TSPAN7: variants seen among roughly 807,000 people sequenced by gnomAD.
The protein encoded by TSPAN7 is tetraspanin-7.
Under a neutral mutation model 17.6 loss-of-function variants are expected in TSPAN7, and 1 was observed. That is an observed-to-expected ratio of 0.06 (90% CI 0.02 to 0.27). The LOEUF is 0.27. TSPAN7 is among the 10% of genes least tolerant of loss of function. TSPAN7 has a pLI of 1.00. For missense variants in TSPAN7, 112 were observed against 201.7 expected (o/e 0.56, Z 2.69); for synonymous variants, 78 against 79.0 (o/e 0.99, Z 0.07).
chrX:38,604,518 A>G (rs1408449602), intron 1 of TSPAN7, among the ~76,000 whole-genome samples: 2 of 111,013 alleles, frequency 1.8e-5, no homozygotes, highest in Non-Finnish European at 3.8e-5. Flanking sequence ...ATTTCTCCAC[A>G]TCCTCTCTAG....
At chrX:38,605,116 A>C (rs1453898129) in intron 1 of TSPAN7, among the ~76,000 whole-genome samples, 10 of 109,323 alleles carry the variant, frequency 9.1e-5, no homozygotes, top group Non-Finnish European at 1.3e-4. Flanking sequence ...GAGGAAGTCA[A>C]ATTGTCCCTG....
chrX:38,683,610 C>A (rs1277490381), intron 6 of TSPAN7, among the ~76,000 whole-genome samples: 1 of 112,897 alleles, frequency 8.9e-6, no homozygotes, highest in African/African-American at 3.2e-5. Flanking sequence ...GACCTGCTCC[C>A]AGGTTCAGGC....
intron 2 of TSPAN7, among the ~76,000 whole-genome samples, chrX:38,668,482 G>T (rs955523512): frequency 5.4e-5 from 6 of 111,964 alleles, no homozygotes; most frequent in African/African-American, 1.9e-4. Flanking sequence ...TTGGTTTGGG[G>T]CTTAATTTGG....
chrX:38,602,701 C>T (rs933202316), intron 1 of TSPAN7, among the ~76,000 whole-genome samples: 2 of 111,226 alleles, frequency 1.8e-5, no homozygotes, highest in African/African-American at 3.3e-5. Context: ...GAGAGGTGGG[C>T]GGGAGGAGTT....
At chrX:38,617,605 G>A (rs12689529) in intron 1 of TSPAN7, among the ~76,000 whole-genome samples, 26,234 of 111,688 alleles carry the variant, frequency 0.23, 2,873 homozygotes, top group East Asian at 0.65. Flanking sequence ...TGGAGAGACT[G>A]GTTCGGTAGG....
At chrX:38,573,085 A>G (rs1274395976) in intron 1 of TSPAN7, among the ~76,000 whole-genome samples, 2 of 111,727 alleles carry the variant, frequency 1.8e-5, no homozygotes, top group Non-Finnish European at 3.8e-5. Context: ...TGCATTATAA[A>G]CTAAAGTGTG....
At chrX:38,562,954 A>G in intron 1 of TSPAN7, 1 of 963,129 alleles carries the variant, frequency 1.0e-6, no homozygotes, top group Admixed American at 3.1e-5. Context: ...ACCATATATT[A>G]GCCCTATTTT....
chrX:38,625,893 G>A (rs1056675707), intron 1 of TSPAN7, among the ~76,000 whole-genome samples: 2 of 112,021 alleles, frequency 1.8e-5, no homozygotes, highest in African/African-American at 6.5e-5. Flanking sequence ...GACCAAGTAG[G>A]TAGTCTGAGG....
chrX:38,672,273 T>C (rs2069826269), intron 3 of TSPAN7, among the ~76,000 whole-genome samples: 1 of 109,181 alleles, frequency 9.2e-6, no homozygotes, highest in Non-Finnish European at 1.9e-5. Context: ...TTACTGTGGG[T>C]CTCGAAAGGC....
chrX:38,641,286 T>C (rs2069610330), intron 1 of TSPAN7, among the ~76,000 whole-genome samples: 1 of 112,538 alleles, frequency 8.9e-6, no homozygotes, highest in Non-Finnish European at 1.9e-5. Flanking sequence ...AGGTGTGTGT[T>C]TGTAGTTGAA....
chrX:38,572,856 A>G (rs2069176251), intron 1 of TSPAN7, among the ~76,000 whole-genome samples: 1 of 111,784 alleles, frequency 8.9e-6, no homozygotes, highest in African/African-American at 3.3e-5. Context: ...TTTCTGTTTC[A>G]TATTTTGAAC....
intron 3 of TSPAN7, among the ~76,000 whole-genome samples, chrX:38,672,973 CTG>C (rs1187805916): frequency 8.9e-6 from 1 of 112,333 alleles, no homozygotes; most frequent in Non-Finnish European, 1.9e-5. Flanking sequence ...AGTGCCTATT[CTG>C]TGTACAGTCC....
chrX:38,565,069 G>C (rs2069134806), intron 1 of TSPAN7, among the ~76,000 whole-genome samples: 1 of 111,668 alleles, frequency 9.0e-6, no homozygotes, highest in Non-Finnish European at 1.9e-5. Flanking sequence ...CCTGTTAAAT[G>C]TTTATAAGAA....
intron 1 of TSPAN7, among the ~76,000 whole-genome samples, chrX:38,628,330 A>G (rs952508009): frequency 2.7e-5 from 3 of 112,043 alleles, no homozygotes; most frequent in African/African-American, 9.7e-5. Flanking sequence ...AGACTTTGGC[A>G]AATATGTTTT....
chrX:38,623,263 G>T lies in TSPAN7; in HGVS notation c.82-42858G>T, dbSNP rs754353141. ...TTTGGCTTTCTTTTTGAATGATGAG[G>T]CAAGCACTGAAGTTAATGCCATGTG... On this transcript the variant is annotated intron_variant, in intron 1 of 7. Coordinates refer to ENST00000378482, the MANE Select transcript of TSPAN7 (RefSeq NM_004615.4). Among the ~76,000 whole-genome samples the T allele has an allele frequency of 9.7e-4, 108 of 111,461 alleles. 1 individual carries two copies. The highest frequency in any genetic ancestry group is 1.5e-3 in the Non-Finnish European group (79 of 53,079).
intron 1 of TSPAN7, among the ~76,000 whole-genome samples, chrX:38,664,642 G>A (rs1416984308): frequency 8.9e-6 from 1 of 112,170 alleles, no homozygotes; most frequent in African/African-American, 3.2e-5. Context: ...CACTTTCACC[G>A]CAACACTGCA....
rs1006615732 is a variant in TSPAN7 at position 38,650,447 on chromosome X, T to C, written c.82-15674T>C. ...CTTGGTCACAGTCACTCACAGTGTG[T>C]GCCAGGGCTTCAGACAGCCCTTGGC... is the stretch of plus-strand genomic sequence containing the variant. On this transcript the variant is annotated intron_variant, in intron 1 of 7. Coordinates refer to ENST00000378482, the MANE Select transcript of TSPAN7 (RefSeq NM_004615.4). 4.5e-5 allele frequency among the ~76,000 whole-genome samples: 5 copies of C among 110,097 alleles called. No homozygotes were observed. The East Asian group carries it at 1.2e-3, about 26-fold the overall frequency.
chrX:38,678,991 T>C (rs1411948217), intron 5 of TSPAN7, among the ~76,000 whole-genome samples: 1 of 111,879 alleles, frequency 8.9e-6, no homozygotes, highest in Admixed American at 9.5e-5. Context: ...GAAGAAATAC[T>C]GCTCATTCAA....
At chrX:38,676,175 G>A (rs1333483105) in intron 5 of TSPAN7, among the ~76,000 whole-genome samples, 2 of 111,103 alleles carry the variant, frequency 1.8e-5, no homozygotes, top group Non-Finnish European at 3.8e-5. Flanking sequence ...CTTCTTTTGG[G>A]GTGTCCGTCT....
Sources: allele counts gnomAD v4.1 joint callset (sites outside exome capture counted in the v4.1 genomes callset), GRCh38; gene constraint gnomAD v4.1.1; transcripts MANE v1.5; gene names NCBI Gene and HGNC (gene_info 2026-07-23, HGNC 2026-07-21).